Variants in TNFRSF1B observed in about 807,000 individuals in gnomAD.
TNFRSF1B encodes the protein TNF receptor superfamily member 1B.
In TNFRSF1B, 19 loss-of-function variants were observed where a neutral mutation model predicts 44.6. That is an observed-to-expected ratio of 0.43 (90% confidence interval 0.30 to 0.62). The LOEUF is 0.62. TNFRSF1B is among the 20% of genes least tolerant of loss of function. The pLI, the probability that TNFRSF1B is intolerant of heterozygous loss-of-function variation, is 0.16. For synonymous variants in TNFRSF1B, 252 were observed against 261.1 expected (o/e 0.97, Z 0.34); for missense variants, 541 against 619.9 (o/e 0.87, Z 1.35).
rs879274784 is a variant in TNFRSF1B, at chr1:12,183,825, A to AT, written c.79-4971_79-4970insT. Among the ~76,000 whole-genome samples the AT allele has an allele frequency of 4.8e-3, 684 of 141,898 alleles. 10 individuals are homozygous for AT. The highest frequency in any genetic ancestry group is 0.01 in the African/African-American group (398 of 38,926). The allele number at this position is 141,898 out of a possible 152,430, so 93.1% of individuals were successfully genotyped here. Reference sequence around the variant, plus strand: ...ATCTAGCTATCTATCTATTCTATCTACCTATCTATCTATCTATCTATCTAT... The same window carrying AT: ...ATCTAGCTATCTATCTATTCTATCTATCCTATCTATCTATCTATCTATCTAT... On this transcript the variant is annotated intron_variant, in intron 1 of 9. Transcript: ENST00000376259.
intron 1 of TNFRSF1B, among the ~76,000 whole-genome samples, chr1:12,181,965 G>C (rs1304718509): frequency 6.6e-6 from 1 of 152,182 alleles, no homozygotes; most frequent in African/African-American, 2.4e-5. Context: ...CATCAACCAG[G>C]CCCACACTCT....
Position 12,180,093 on chromosome 1 carries a change from C to T in TNFRSF1B, c.79-8703C>T, listed in dbSNP as rs533279029. On this transcript the variant is annotated intron_variant, in intron 1 of 9. Transcript: ENST00000376259. This position sits in a 1 kb window ranked among gnomAD's most constrained non-coding sequence, Gnocchi z 4.3. Reference sequence around the variant, plus strand: ...CTGGGGAAGGCTGGGAGCATGACCTCTTCCCAAGGGTACGGCATCTAAAAG... The same window carrying T: ...CTGGGGAAGGCTGGGAGCATGACCTTTTCCCAAGGGTACGGCATCTAAAAG... Among the ~76,000 whole-genome samples the T allele has an allele frequency of 2.0e-5, 3 of 151,976 alleles. No homozygotes were observed. Among genetic ancestry groups the T allele is most frequent in the Non-Finnish European group, 4.4e-5 (3 of 67,970 alleles).
intron 8 of TNFRSF1B, among the ~76,000 whole-genome samples, chr1:12,195,747 C>T (rs5746041): frequency 3.3e-5 from 5 of 152,146 alleles, no homozygotes; most frequent in African/African-American, 7.2e-5. Flanking sequence ...CCAGAACATA[C>T]GTCTGTCACA....
rs995967208 is a variant in TNFRSF1B, at chr1:12,168,450, G to A, written c.78+1281G>A. Among the ~76,000 whole-genome samples, 4 of 152,158 alleles carry A rather than the reference G, an allele frequency of 2.6e-5. No individual in the cohort carries two copies. The highest frequency in any genetic ancestry group is 9.7e-5 in the African/African-American group (4 of 41,440). ...AAGTCCTGGGTGGCCTTTGGGTCAGGAGAGTCCCCACTCTAGGGCCGAGTG... is the reference window on the plus strand; with the variant it reads ...AAGTCCTGGGTGGCCTTTGGGTCAGAAGAGTCCCCACTCTAGGGCCGAGTG... On this transcript the variant is annotated intron_variant, in intron 1 of 9. Coordinates refer to ENST00000376259, the MANE Select transcript of TNFRSF1B (RefSeq NM_001066.3). The surrounding 1 kb of genome is among the most constrained non-coding windows in gnomAD (Gnocchi z 4.7).
chr1:12,191,460 A>C (rs1410033382), intron 3 of TNFRSF1B, among the ~76,000 whole-genome samples: 1 of 150,936 alleles, frequency 6.6e-6, no homozygotes, highest in African/African-American at 2.4e-5. Context: ...GAGGAGCAGG[A>C]CTGCAGGGAG....
chr1:12,169,465 C>A lies in TNFRSF1B; in HGVS notation c.78+2296C>A, dbSNP rs1009232529. On this transcript the variant is annotated intron_variant, in intron 1 of 9. Coordinates refer to ENST00000376259, the MANE Select transcript of TNFRSF1B (RefSeq NM_001066.3). This position sits in a 1 kb window ranked among gnomAD's most constrained non-coding sequence, Gnocchi z 4.5. ...TTCCCAGGATCACAGAGCTGGGGGC[C>A]GGGGAGCTGGGGGTGGGATTTGAAT... Among the ~76,000 whole-genome samples the A allele has an allele frequency of 6.6e-6, 1 of 151,960 alleles. No individual in the cohort carries two copies. Among genetic ancestry groups the A allele is most frequent in the African/African-American group, 2.4e-5 (1 of 41,398 alleles).
intron 6 of TNFRSF1B, 182 bp downstream of exon 6, chr1:12,193,280 C>G: frequency 2.8e-6 from 2 of 710,686 alleles, no homozygotes; most frequent in South Asian, 1.5e-5. Context: ...TTCAAAATCC[C>G]TAAGTGCGTG....
chr1:12,201,992 G>A lies in TNFRSF1B; in HGVS notation c.926G>A (p.Arg309Gln), dbSNP rs1167745553. 6.2e-7 allele frequency: 1 copy of A among 1,612,766 alleles called. No individual in the cohort carries two copies. Among genetic ancestry groups the A allele is most frequent in the Admixed American group, 1.7e-5 (1 of 59,950 alleles). ...KVPHLPADKA[R>Q]GTQGPEQQHL... ...CCTCACTTGCCTGCCGATAAGGCCC[G>A]GGGTACACAGGGCCCCGAGCAGCAG... is the stretch of plus-strand genomic sequence containing the variant. The change falls in exon 9 of 10, where the codon CGG becomes CAG. Residue 309 changes from arginine (R) to glutamine (Q), a missense_variant. Transcript: ENST00000376259.
intron 1 of TNFRSF1B, among the ~76,000 whole-genome samples, chr1:12,170,717 C>T (rs1002921217): frequency 1.3e-5 from 2 of 152,202 alleles, no homozygotes; most frequent in Admixed American, 6.5e-5. Flanking sequence ...GGCTGGAGTG[C>T]AGTGGCGACA....
rs1638396732 is a variant in TNFRSF1B, at chr1:12,166,999, G to C, written c.-93G>C. On this transcript the variant is annotated 5_prime_UTR_variant, in exon 1 of 10. Transcript: ENST00000376259. ...CGCGGGCTTTCGCTTTCAGTCGAGGGCTAGCGAGCGCAGCGGAGCCTGGAG... is the reference window on the plus strand; with the variant it reads ...CGCGGGCTTTCGCTTTCAGTCGAGGCCTAGCGAGCGCAGCGGAGCCTGGAG... The C allele has an allele frequency of 2.0e-6, 2 of 1,006,288 alleles. No homozygotes were observed. The highest frequency in any genetic ancestry group is 4.4e-5 in the Admixed American group (1 of 22,740). The allele number at this position is 1,006,288 out of a possible 1,614,324, so 62.3% of individuals were successfully genotyped here.
intron 8 of TNFRSF1B, among the ~76,000 whole-genome samples, chr1:12,196,940 AT>A (rs113856503): frequency 1.5e-4 from 21 of 140,738 alleles, no homozygotes; most frequent in South Asian, 2.2e-4. Flanking sequence ...TCCCTTTTCC[AT>A]TTTTTTTTTC....
At chr1:12,204,237 C>T (rs1475271625) in intron 9 of TNFRSF1B, among the ~76,000 whole-genome samples, 6 of 152,170 alleles carry the variant, frequency 3.9e-5, no homozygotes, top group Non-Finnish European at 8.8e-5. Context: ...AACCTGTAAA[C>T]CCCAGGGTTG....
chr1:12,183,134 G>C (rs905767073), intron 1 of TNFRSF1B, among the ~76,000 whole-genome samples: 1 of 152,204 alleles, frequency 6.6e-6, no homozygotes, highest in Non-Finnish European at 1.5e-5. Context: ...ATGAGCTACC[G>C]CTAACTGCAG....
chr1:12,173,625 T>A (rs561151414), intron 1 of TNFRSF1B, among the ~76,000 whole-genome samples: 2 of 152,334 alleles, frequency 1.3e-5, no homozygotes, highest in East Asian at 3.9e-4. Context: ...CAGAGCCTGC[T>A]GTCTGGGAAC....
intron 1 of TNFRSF1B, among the ~76,000 whole-genome samples, chr1:12,185,540 G>T (rs1404189680): frequency 6.6e-6 from 1 of 152,236 alleles, no homozygotes; most frequent in Non-Finnish European, 1.5e-5. Context: ...TACTGGGACC[G>T]AGTGTGTGTG....
chr1:12,206,847 A>G lies in TNFRSF1B; in HGVS notation c.1213A>G (p.Met405Val), dbSNP rs1273272828. The G allele has an allele frequency of 3.7e-6, 6 of 1,614,068 alleles. No homozygotes were observed. Among genetic ancestry groups the G allele is most frequent in the Non-Finnish European group, 5.1e-6 (6 of 1,180,036 alleles). The stretch of plus-strand genomic sequence containing the variant: ...GTGCTCCTCCCAAGCCAGCTCCACA[A>G]TGGGAGACACAGATTCCAGCCCCTC... Reference protein sequence around the residue: ...SQCSSQASSTMGDTDSSPSES... With the variant: ...SQCSSQASSTVGDTDSSPSES... Residue 405 changes from methionine to valine, a missense_variant, in exon 10 of 10, where the codon ATG becomes GTG. Met to Val is a conservative substitution (Grantham distance 21, BLOSUM62 1). Transcript: ENST00000376259.
rs770178506 is a variant in TNFRSF1B at position 12,206,935 on chromosome 1, T to C, written c.1301T>C (p.Leu434Pro). The stretch of plus-strand genomic sequence containing the variant: ...GAGGAATGTGCCTTTCGGTCACAGC[T>C]GGAGACGCCAGAGACCCTGCTGGGG... ...SKEECAFRSQLETPETLLGST... is the reference protein window; with the variant it reads ...SKEECAFRSQPETPETLLGST... The change falls in exon 10 of 10, where the codon CTG becomes CCG. Residue 434 changes from leucine (L) to proline (P), a missense_variant. Physicochemically the swap from Leu to Pro is moderately conservative, Grantham distance 98 (BLOSUM62 -3). Transcript: ENST00000376259. 3 of 1,614,012 alleles carry C rather than the reference T, an allele frequency of 1.9e-6. No homozygotes were observed. Among genetic ancestry groups the C allele is most frequent in the Non-Finnish European group, 2.5e-6 (3 of 1,179,946 alleles).
intron 8 of TNFRSF1B, among the ~76,000 whole-genome samples, chr1:12,198,320 C>T (rs1639314118): frequency 6.6e-6 from 1 of 152,094 alleles, no homozygotes; most frequent in Non-Finnish European, 1.5e-5. Flanking sequence ...TTCTTGTCCC[C>T]CATTATATGG....
At chr1:12,172,978 T>C (rs1638555277) in intron 1 of TNFRSF1B, among the ~76,000 whole-genome samples, 1 of 152,232 alleles carries the variant, frequency 6.6e-6, no homozygotes, top group African/African-American at 2.4e-5. Flanking sequence ...TTCTGTTTAC[T>C]TGTGACCCTG....
Sources: allele counts gnomAD v4.1 joint callset (sites outside exome capture counted in the v4.1 genomes callset), GRCh38; gene constraint gnomAD v4.1.1; non-coding constraint Gnocchi (gnomAD v3.1); transcripts MANE v1.5; gene names NCBI Gene and HGNC (gene_info 2026-07-23, HGNC 2026-07-21).